The following PRH1 variants were observed in gnomAD, a reference collection of about 807,000 sequenced individuals.
PRH1 encodes the protein proline rich protein HaeIII subfamily 1.
In PRH1, 7 loss-of-function variants were observed where a neutral mutation model predicts 7.9. The observed-to-expected ratio is 0.89, with a 90% CI of 0.50 to 1.67. PRH1 has a LOEUF of 1.67. PRH1 is among the 40% of genes most tolerant of loss of function. The pLI, the probability that PRH1 is intolerant of heterozygous loss-of-function variation, is 0.00. For missense variants in PRH1, 109 were observed against 223.6 expected (o/e 0.49, Z 3.27); for synonymous variants, 45 against 80.8 (o/e 0.56, Z 2.38).
chr12:11,067,165 A>G (rs1943858046), intron 1 of PRH1, among the ~76,000 whole-genome samples: 1 of 119,640 alleles, frequency 8.4e-6, no homozygotes, highest in South Asian at 2.2e-4. Context: ...ATCATGCTAA[A>G]TATGTTTTAT....
At chr12:11,047,043 T>A in exon 1 of PRH1, 1 of 509,738 alleles carries the variant, frequency 2.0e-6, no homozygotes, top group East Asian at 5.6e-5. Flanking sequence ...ATGGAGTCTA[T>A]TCCCCTCCAC....
At chr12:11,014,998 T>C (rs866630093) in intron 1 of PRH1, among the ~76,000 whole-genome samples, 21 of 152,048 alleles carry the variant, frequency 1.4e-4, no homozygotes, top group Middle Eastern at 3.4e-3. Flanking sequence ...TCACAATAAG[T>C]AAAGATGCTT....
chr12:11,030,715 C>T (rs377444470), intron 1 of PRH1: 30 of 1,614,082 alleles, frequency 1.9e-5, no homozygotes, highest in Non-Finnish European at 2.5e-5. Flanking sequence ...GCTGCATCTT[C>T]TTGAGATGTT....
intron 2 of PRH1, among the ~76,000 whole-genome samples, chr12:10,917,165 A>G (rs1265443755): frequency 1.3e-5 from 2 of 152,136 alleles, no homozygotes; most frequent in Non-Finnish European, 2.9e-5. Context: ...GGTGAGAATG[A>G]GGTCATTGAA....
chr12:11,013,217 C>A (rs764920450), intron 1 of PRH1, among the ~76,000 whole-genome samples: 1 of 152,090 alleles, frequency 6.6e-6, no homozygotes, highest in Non-Finnish European at 1.5e-5. Flanking sequence ...TACAAAGCTG[C>A]ACTAATCAGA....
At chr12:10,981,521 A>G (rs1208916825) in intron 1 of PRH1, among the ~76,000 whole-genome samples, 1 of 151,614 alleles carries the variant, frequency 6.6e-6, no homozygotes, top group East Asian at 1.9e-4. Context: ...TTACAGGTGC[A>G]ACACCACCAC....
At chr12:11,053,631 T>G (rs1166649040) in intron 1 of PRH1, among the ~76,000 whole-genome samples, 1 of 152,174 alleles carries the variant, frequency 6.6e-6, no homozygotes, top group Non-Finnish European at 1.5e-5. Context: ...ACCCAAATTA[T>G]GTATGTAAAT....
chr12:11,064,057 T>G (rs140709173), intron 1 of PRH1, among the ~76,000 whole-genome samples: 2 of 152,086 alleles, frequency 1.3e-5, no homozygotes, highest in South Asian at 4.1e-4. Flanking sequence ...GTAACCATGA[T>G]GCAGGCAAGA....
At chr12:11,061,844 G>C in intron 1 of PRH1, 1 of 1,614,140 alleles carries the variant, frequency 6.2e-7, no homozygotes, top group Non-Finnish European at 8.5e-7. Flanking sequence ...CATATAATCT[G>C]ATTCATGTTT....
intron 1 of PRH1, among the ~76,000 whole-genome samples, chr12:11,012,717 C>T (rs1436419389): frequency 6.6e-6 from 1 of 152,000 alleles, no homozygotes; most frequent in Admixed American, 6.6e-5. Flanking sequence ...CCAACACAGC[C>T]AGCTAATTTT....
At chr12:11,067,918 C>T (rs1943896663) in intron 1 of PRH1, among the ~76,000 whole-genome samples, 1 of 152,120 alleles carries the variant, frequency 6.6e-6, no homozygotes, top group Non-Finnish European at 1.5e-5. Flanking sequence ...CCATAATGCT[C>T]TATTCTCCTT....
intron 3 of PRH1, among the ~76,000 whole-genome samples, chr12:10,881,312 G>A (rs552506496): frequency 9.8e-5 from 15 of 152,344 alleles, no homozygotes; most frequent in African/African-American, 3.6e-4. Context: ...CTTTGCTGCT[G>A]TTGGTTATGT....
chr12:10,908,750 C>G, intron 2 of PRH1: 1 of 1,613,876 alleles, frequency 6.2e-7, no homozygotes, highest in Non-Finnish European at 8.5e-7. Flanking sequence ...TGAACATAGT[C>G]ATAGTGAATT....
intron 1 of PRH1, chr12:11,022,123 T>A: frequency 2.5e-6 from 4 of 1,613,874 alleles, no homozygotes; most frequent in Non-Finnish European, 3.4e-6. Flanking sequence ...CACTCTCTCA[T>A]CCATGGTTAT....
At chr12:11,123,335 A>C (rs1418764332) in intron 1 of PRH1, among the ~76,000 whole-genome samples, 2 of 131,074 alleles carry the variant, frequency 1.5e-5, no homozygotes, top group African/African-American at 2.6e-5. Context: ...GTGTATATAT[A>C]TCTGGGTGTA....
At position 10,913,303 on chromosome 12, in the gene PRH1, A is replaced by G. The variant is rs538091351; in HGVS notation, c.-58-29028T>C. Among the ~76,000 whole-genome samples, 9 of 152,232 alleles carry G rather than the reference A, an allele frequency of 5.9e-5. 1 individual carries two copies. In the South Asian group the frequency reaches 1.9e-3, roughly 32 times the overall value. ...ACCAAGTCTCTACTAAAACTACAAAAAATTAGCCGGGCATGGTGGCAGGCA... is the reference window on the plus strand; with the variant it reads ...ACCAAGTCTCTACTAAAACTACAAAGAATTAGCCGGGCATGGTGGCAGGCA... On this transcript the variant is annotated intron_variant, in intron 2 of 3. Transcript: ENST00000539853.
intron 1 of PRH1, among the ~76,000 whole-genome samples, chr12:10,998,076 A>T (rs1300086370): frequency 1.3e-5 from 2 of 152,200 alleles, no homozygotes; most frequent in Non-Finnish European, 2.9e-5. Flanking sequence ...CCTTTATGGG[A>T]AATACTGTTA....
chr12:11,135,237 C>G (rs867134253), intron 1 of PRH1, among the ~76,000 whole-genome samples: 5 of 152,108 alleles, frequency 3.3e-5, no homozygotes. Context: ...TACCTTTCCC[C>G]TGAACTTGAA....
chr12:10,996,326 C>G (rs1940233472), intron 1 of PRH1, among the ~76,000 whole-genome samples: 2 of 150,344 alleles, frequency 1.3e-5, no homozygotes, highest in Admixed American at 1.3e-4. Flanking sequence ...AAGACTCCAT[C>G]TCAAAAAAAA....
Sources: gnomAD v4.1 joint callset for allele counts (sites outside exome capture counted in the v4.1 genomes callset) on GRCh38, gnomAD v4.1.1 for gene constraint, MANE v1.5 for transcripts, NCBI Gene and HGNC (gene_info 2026-07-23, HGNC 2026-07-21) for gene names.